The following CCDC30 variants were observed in gnomAD, a reference collection of about 807,000 sequenced individuals.
CCDC30 encodes coiled-coil domain-containing protein 30.
In CCDC30, 70 loss-of-function variants were observed where a neutral mutation model predicts 100.2. The ratio of observed to expected loss-of-function variants is 0.70; its 90% confidence interval spans 0.58 to 0.85. The LOEUF (loss-of-function observed/expected upper bound fraction) is 0.85, where lower values mean the gene tolerates loss of function less well. Ranked by LOEUF, CCDC30 falls within the 40% of genes least tolerant of loss-of-function variation. The pLI, the probability that CCDC30 is intolerant of heterozygous loss-of-function variation, is 0.00. For missense variants in CCDC30, 652 were observed against 771.2 expected (o/e 0.85, Z 1.83); for synonymous variants, 233 against 269.5 (o/e 0.86, Z 1.33).
intron 6 of CCDC30, among the ~76,000 whole-genome samples, chr1:42,543,416 G>A (rs1645057058): frequency 6.6e-6 from 1 of 151,924 alleles, no homozygotes; most frequent in Non-Finnish European, 1.5e-5. Context: ...CCACCTCACA[G>A]GTTCAAGTGA....
chr1:42,632,066 C>T (rs536033260), intron 11 of CCDC30, among the ~76,000 whole-genome samples: 1 of 152,310 alleles, frequency 6.6e-6, no homozygotes, highest in South Asian at 2.1e-4. Flanking sequence ...GTAGCCACCA[C>T]AGCTGGGAAT....
chr1:42,523,684 C>G (rs1345334337), intron 6 of CCDC30, among the ~76,000 whole-genome samples: 3 of 152,152 alleles, frequency 2.0e-5, no homozygotes, highest in African/African-American at 7.2e-5. Flanking sequence ...TCTCTCTGCC[C>G]TCTCTTTCTT....
chr1:42,583,865 A>G (rs1243655864), intron 9 of CCDC30, among the ~76,000 whole-genome samples: 1 of 152,200 alleles, frequency 6.6e-6, no homozygotes, highest in Non-Finnish European at 1.5e-5. Flanking sequence ...ACAAGGTGAA[A>G]ACCATGAAGA....
At chr1:42,571,537 T>C (rs1406688590) in intron 7 of CCDC30, 8 of 151,790 alleles carry the variant, frequency 5.3e-5, no homozygotes, top group Admixed American at 5.2e-4. Context: ...AATGGCAAGG[T>C]GGGAAATGGG....
downstream of CCDC30, among the ~76,000 whole-genome samples, chr1:42,656,358 C>A (rs577187694): frequency 1.3e-5 from 2 of 152,174 alleles, no homozygotes; most frequent in African/African-American, 4.8e-5. Flanking sequence ...TGACCAGGTG[C>A]GGTGGCTCAC....
At chr1:42,602,277 T>A (rs1004188535) in intron 10 of CCDC30, among the ~76,000 whole-genome samples, 16 of 150,780 alleles carry the variant, frequency 1.1e-4, no homozygotes, top group African/African-American at 4.0e-4. Context: ...CATGGTGGTG[T>A]TTGTGTAAAA....
chr1:42,639,640 G>A (rs1647251907), intron 12 of CCDC30, among the ~76,000 whole-genome samples: 1 of 152,188 alleles, frequency 6.6e-6, no homozygotes, highest in Non-Finnish European at 1.5e-5. Flanking sequence ...CTGCCTGTAA[G>A]CTTGGACAAG....
intron 1 of CCDC30, among the ~76,000 whole-genome samples, chr1:42,479,942 A>C (rs1191173903): frequency 6.6e-6 from 1 of 152,112 alleles, no homozygotes; most frequent in Non-Finnish European, 1.5e-5. Context: ...TGTGGAGTAC[A>C]GCTGCTCCGG....
At chr1:42,506,940 T>G (rs1222805341) in intron 6 of CCDC30, among the ~76,000 whole-genome samples, 2 of 152,220 alleles carry the variant, frequency 1.3e-5, no homozygotes, top group Non-Finnish European at 2.9e-5. Context: ...AACCCCATTT[T>G]TTTTAGATGG....
Position 42,517,826 on chromosome 1 carries a change from C to G in CCDC30, c.456+18910C>G, listed in dbSNP as rs537006250. On this transcript the variant is annotated intron_variant, in intron 6 of 16. Coordinates refer to ENST00000668663, the Ensembl canonical transcript of CCDC30. The stretch of plus-strand genomic sequence containing the variant: ...GGGATGTCTATTGTATTCCCTTGGT[C>G]TATATATTTGTCTTTATTCAATTAT... 3.3e-5 allele frequency among the ~76,000 whole-genome samples: 5 copies of G among 152,222 alleles called. No individual in the cohort carries two copies. The East Asian group carries it at 9.6e-4, about 29-fold the overall frequency.
intron 10 of CCDC30, among the ~76,000 whole-genome samples, chr1:42,606,140 A>G (rs72637938): frequency 0.2 from 30,215 of 152,206 alleles, 3,321 homozygotes; most frequent in South Asian, 0.42. Context: ...GACCATACAT[A>G]GCGTCATTTG....
intron 6 of CCDC30, among the ~76,000 whole-genome samples, chr1:42,555,265 A>G (rs74068454): frequency 0.012 from 1,785 of 152,188 alleles, 27 homozygotes; most frequent in African/African-American, 0.042. Context: ...ATTTTGGCAC[A>G]CCTTTGCTTG....
At chr1:42,501,685 C>T (rs1240748333) in intron 6 of CCDC30, among the ~76,000 whole-genome samples, 1 of 152,216 alleles carries the variant, frequency 6.6e-6, no homozygotes, top group Non-Finnish European at 1.5e-5. Context: ...TCAGGACCCT[C>T]AGCTGCAGGT....
intron 3 of CCDC30, 185 bp downstream of exon 3, chr1:42,483,001 C>T: frequency 2.5e-6 from 1 of 395,150 alleles, no homozygotes; most frequent in Non-Finnish European, 4.4e-6. Flanking sequence ...AGCATATCTA[C>T]CAAAAGTGCA....
chr1:42,491,859 A>G (rs993304796), intron 4 of CCDC30: 48 of 386,510 alleles, frequency 1.2e-4, no homozygotes, highest in South Asian at 6.8e-4. Context: ...TATGTTCAAT[A>G]TAAGAAATAT....
intron 6 of CCDC30, among the ~76,000 whole-genome samples, chr1:42,541,997 A>T (rs1020967379): frequency 2.6e-5 from 4 of 152,232 alleles, no homozygotes; most frequent in Admixed American, 2.6e-4. Flanking sequence ...TTACATGGTG[A>T]TTCTCAGCCT....
chr1:42,498,857 A>G (rs1644266435), exon 6 of CCDC30: 3 of 1,234,018 alleles, frequency 2.4e-6, no homozygotes, highest in Non-Finnish European at 3.0e-6. Flanking sequence ...ATCTCAAGAG[A>G]ATAAGCAACT....
At chr1:42,483,129 C>A (rs1207072904) in intron 3 of CCDC30, 2 of 206,732 alleles carry the variant, frequency 9.7e-6, no homozygotes, top group African/African-American at 4.6e-5. Context: ...ACTGTCCTGA[C>A]TGAATGCAGT....
At chr1:42,531,275 C>G (rs1644801696) in intron 6 of CCDC30, among the ~76,000 whole-genome samples, 5 of 152,160 alleles carry the variant, frequency 3.3e-5, no homozygotes, top group Admixed American at 3.3e-4. Context: ...CTTCCTGAGG[C>G]CTCCCCAGCC....
Sources: gnomAD v4.1 joint callset for allele counts (sites outside exome capture counted in the v4.1 genomes callset) on GRCh38, gnomAD v4.1.1 for gene constraint, MANE v1.5 for transcripts, NCBI Gene and HGNC (gene_info 2026-07-23, HGNC 2026-07-21) for gene names.